KDM6A: variants seen among roughly 807,000 people sequenced by gnomAD.
KDM6A encodes the protein lysine demethylase 6A.
Under a neutral mutation model 117.6 loss-of-function variants are expected in KDM6A, and 11 were observed. That is an observed-to-expected ratio of 0.09 (90% confidence interval 0.06 to 0.15). KDM6A has a LOEUF of 0.15. KDM6A is among the 10% of genes least tolerant of loss of function. The pLI is 1.00. For synonymous variants in KDM6A, 384 were observed against 396.1 expected (o/e 0.97, Z 0.36); for missense variants, 799 against 1,077.3 (o/e 0.74, Z 3.62).
chrX:44,990,367 C>T (rs1278019364), intron 4 of KDM6A, among the ~76,000 whole-genome samples: 9 of 110,107 alleles, frequency 8.2e-5, no homozygotes, highest in Middle Eastern at 4.2e-3. Context: ...GGTGAAACCC[C>T]GTTTCTACTA....
intron 3 of KDM6A, among the ~76,000 whole-genome samples, chrX:44,970,402 C>T (rs2039284398): frequency 9.0e-6 from 1 of 111,189 alleles, no homozygotes; most frequent in Admixed American, 9.5e-5. Flanking sequence ...TTTATTTTTT[C>T]TCTTTAATTT....
Position 45,091,760 on chromosome X carries a change from T to C in KDM6A, c.4034+896T>C, listed in dbSNP as rs543078922. 2.1e-4 allele frequency among the ~76,000 whole-genome samples: 24 copies of C among 112,096 alleles called. No homozygotes were observed. The South Asian group carries it at 7.0e-3, about 33-fold the overall frequency. ...TTTATATTAATTGATAAAAATAAGT[T>C]TGTCTTAGTCTTTGTTAAAATAGAG... On this transcript the variant is annotated intron_variant, in intron 27 of 29. Transcript: ENST00000611820.
chrX:44,905,293 A>G (rs1264337092), intron 2 of KDM6A, among the ~76,000 whole-genome samples: 2 of 112,282 alleles, frequency 1.8e-5, no homozygotes, highest in Non-Finnish European at 3.8e-5. Flanking sequence ...CCGTAAGATT[A>G]TAATACCATA....
intron 8 of KDM6A, among the ~76,000 whole-genome samples, chrX:45,045,667 C>T (rs1236779463): frequency 2.7e-5 from 3 of 109,639 alleles, no homozygotes; most frequent in Admixed American, 9.8e-5. Context: ...AGCATAATGT[C>T]TATATGGTTT....
intron 25 of KDM6A, among the ~76,000 whole-genome samples, chrX:45,086,759 C>G (rs2045656861): frequency 8.9e-6 from 1 of 112,010 alleles, no homozygotes; most frequent in Non-Finnish European, 1.9e-5. Flanking sequence ...TTACTCTCTT[C>G]TTTTCTAGAA....
intron 2 of KDM6A, among the ~76,000 whole-genome samples, chrX:44,924,943 C>T (rs1015020827): frequency 3.6e-5 from 4 of 111,414 alleles, no homozygotes; most frequent in African/African-American, 1.3e-4. Flanking sequence ...CCTGCCTTGG[C>T]CTCCCAAAGT....
intron 2 of KDM6A, among the ~76,000 whole-genome samples, chrX:44,960,609 G>T (rs1279824370): frequency 9.0e-6 from 1 of 111,693 alleles, no homozygotes; most frequent in Non-Finnish European, 1.9e-5. Context: ...ATTTTCTCCT[G>T]CAGTTGTCCT....
intron 4 of KDM6A, among the ~76,000 whole-genome samples, chrX:44,983,589 G>A (rs1366280839): frequency 1.2e-5 from 1 of 86,564 alleles, no homozygotes; most frequent in Non-Finnish European, 2.2e-5. Context: ...ACAGGCCCCG[G>A]TGTGTGATGT....
chrX:45,014,171 T>C (rs1226863510), intron 5 of KDM6A, among the ~76,000 whole-genome samples: 1 of 112,307 alleles, frequency 8.9e-6, no homozygotes, highest in Non-Finnish European at 1.9e-5. Flanking sequence ...TTTATGATAA[T>C]GTGTGTGACC....
At chrX:44,904,927 T>C (rs1355918403) in intron 2 of KDM6A, among the ~76,000 whole-genome samples, 1 of 112,131 alleles carries the variant, frequency 8.9e-6, no homozygotes, top group Non-Finnish European at 1.9e-5. Context: ...TCCAGAGTTA[T>C]TATAAAGTTA....
At chrX:44,977,788 T>C (rs1170301976) in intron 4 of KDM6A, among the ~76,000 whole-genome samples, 1 of 112,263 alleles carries the variant, frequency 8.9e-6, no homozygotes, top group Non-Finnish European at 1.9e-5. Flanking sequence ...TAAATTTACA[T>C]TTTCTTAGTT....
At chrX:45,089,387 G>A (rs1335879050) in intron 25 of KDM6A, among the ~76,000 whole-genome samples, 3 of 110,161 alleles carry the variant, frequency 2.7e-5, no homozygotes, top group Non-Finnish European at 5.7e-5. Flanking sequence ...TTAGCCAGGC[G>A]TGGTGGCAGG....
chrX:44,991,673 G>GTGTTTT (rs1214167208), intron 4 of KDM6A, among the ~76,000 whole-genome samples: 3 of 111,539 alleles, frequency 2.7e-5, no homozygotes, highest in African/African-American at 9.8e-5. Context: ...TGCTTAGTGG[G>GTGTTTT]TGTTTTTGTT....
intron 4 of KDM6A, among the ~76,000 whole-genome samples, chrX:44,985,250 A>G (rs1046971179): frequency 3.6e-5 from 4 of 112,002 alleles, no homozygotes; most frequent in Non-Finnish European, 7.5e-5. Flanking sequence ...ATTTTTGCAC[A>G]TGGATTTTGT....
At chrX:44,950,020 C>CTT (rs761398475) in intron 2 of KDM6A, among the ~76,000 whole-genome samples, 7 of 103,037 alleles carry the variant, frequency 6.8e-5, no homozygotes, top group African/African-American at 2.1e-4. Flanking sequence ...ATAATGCCAA[C>CTT]TTTTTTTTTT....
At chrX:44,998,455 T>C (rs999580023) in intron 4 of KDM6A, among the ~76,000 whole-genome samples, 1 of 112,065 alleles carries the variant, frequency 8.9e-6, no homozygotes, top group Non-Finnish European at 1.9e-5. Flanking sequence ...ATTTCAGATA[T>C]TCATGGTATA....
rs2148193596 is a variant in KDM6A, at chrX:45,089,820, G to A, written c.3782G>A (p.Arg1261Lys). ...TATGAAGCAAATGTTCCAGTGTATAGGTTTATTCAGCGACCTGGAGATTTG... is the reference window on the plus strand; with the variant it reads ...TATGAAGCAAATGTTCCAGTGTATAAGTTTATTCAGCGACCTGGAGATTTG... Reference protein sequence around the residue: ...DLYEANVPVYRFIQRPGDLVW... With the variant: ...DLYEANVPVYKFIQRPGDLVW... The change falls in exon 26 of 30, where the codon AGG becomes AAG. Residue 1261 changes from arginine to lysine, a missense_variant. Physicochemically the swap from Arg to Lys is conservative, Grantham distance 26 (BLOSUM62 2). This residue lies in a region of KDM6A where 291 missense variants were observed against 437.9 expected (regional missense o/e 0.66). Coordinates refer to ENST00000611820, the MANE Select transcript of KDM6A (RefSeq NM_001291415.2). 8.3e-7 allele frequency: 1 copy of A among 1,208,287 alleles called. No homozygotes were observed. The highest frequency in any genetic ancestry group is 1.1e-6 in the Non-Finnish European group (1 of 892,760).
chrX:45,018,742 T>G (rs1356839984), intron 5 of KDM6A, among the ~76,000 whole-genome samples: 1 of 111,965 alleles, frequency 8.9e-6, no homozygotes, highest in African/African-American at 3.2e-5. Context: ...TTTCATTCTT[T>G]TTCTTTCATA....
chrX:44,891,356 A>G lies in KDM6A; in HGVS notation c.225+17369A>G, dbSNP rs747345531. On this transcript the variant is annotated intron_variant, in intron 2 of 29. Coordinates refer to ENST00000611820, the MANE Select transcript of KDM6A (RefSeq NM_001291415.2). Reference sequence around the variant, plus strand: ...GCTTTGTTTTTGCTGTAGATGTTCAACTGCTCCACCATTATTTGTTGAAAA... The same window carrying G: ...GCTTTGTTTTTGCTGTAGATGTTCAGCTGCTCCACCATTATTTGTTGAAAA... 2.6e-4 allele frequency among the ~76,000 whole-genome samples: 29 copies of G among 111,428 alleles called. 1 individual carries two copies. The South Asian group carries it at 8.8e-3, about 34-fold the overall frequency.
Sources: allele counts gnomAD v4.1 joint callset (sites outside exome capture counted in the v4.1 genomes callset), GRCh38; gene constraint gnomAD v4.1.1; regional missense constraint gnomAD v4.1.1; transcripts MANE v1.5; gene names NCBI Gene and HGNC (gene_info 2026-07-23, HGNC 2026-07-21).